The following CAMK2D variants were observed in gnomAD, a reference collection of about 807,000 sequenced individuals.
CAMK2D encodes calcium/calmodulin-dependent protein kinase type II subunit delta.
CAMK2D carries 37 observed loss-of-function variants against 84.0 expected under a neutral mutation model. That is an observed-to-expected ratio of 0.44 (90% CI 0.34 to 0.58). The LOEUF (loss-of-function observed/expected upper bound fraction) is 0.58. Among genes scored for constraint, CAMK2D ranks in the 20% least tolerant of loss-of-function variants. CAMK2D has a pLI of 0.02. For missense variants in CAMK2D, 448 were observed against 652.5 expected (o/e 0.69, Z 3.41); for synonymous variants, 202 against 212.5 (o/e 0.95, Z 0.43).
chr4:113,665,090 C>T (rs1281918061), intron 2 of CAMK2D, among the ~76,000 whole-genome samples: 1 of 152,200 alleles, frequency 6.6e-6, no homozygotes, highest in East Asian at 1.9e-4. Context: ...GGGCATGAGC[C>T]ACCGTGCCCA....
chr4:113,506,320 G>A (rs576055088), intron 13 of CAMK2D, among the ~76,000 whole-genome samples: 2 of 151,960 alleles, frequency 1.3e-5, no homozygotes, highest in Non-Finnish European at 2.9e-5. Flanking sequence ...TACTGGTATC[G>A]TTATTTTTAC....
At chr4:113,506,579 G>A (rs984328002) in intron 13 of CAMK2D, among the ~76,000 whole-genome samples, 4 of 152,152 alleles carry the variant, frequency 2.6e-5, no homozygotes, top group African/African-American at 7.2e-5. Context: ...TACAGGGTAC[G>A]TGAGAAAAGG....
intron 2 of CAMK2D, among the ~76,000 whole-genome samples, chr4:113,667,545 A>G (rs1483872814): frequency 6.6e-6 from 1 of 152,180 alleles, no homozygotes; most frequent in Non-Finnish European, 1.5e-5. Flanking sequence ...TTGTTAGAGA[A>G]ATTATGTCTC....
At chr4:113,520,038 C>T (rs2098335986) in intron 8 of CAMK2D, among the ~76,000 whole-genome samples, 1 of 152,102 alleles carries the variant, frequency 6.6e-6, no homozygotes, top group African/African-American at 2.4e-5. Context: ...TCCATTTGGT[C>T]CTATCTTAAA....
At chr4:113,618,500 ATTCATTTATTGC>A (rs2099031067) in intron 3 of CAMK2D, among the ~76,000 whole-genome samples, 1 of 152,148 alleles carries the variant, frequency 6.6e-6, no homozygotes, top group Non-Finnish European at 1.5e-5. Flanking sequence ...TTTTTTGAAA[ATTCATTTATTGC>A]ATTTTTCCAA....
rs774684310 is a variant in CAMK2D, at chr4:113,531,303, G to A, written c.518-4C>T. 4.6e-6 allele frequency: 7 copies of A among 1,523,458 alleles called. No individual in the cohort carries two copies. Among genetic ancestry groups the A allele is most frequent in the Non-Finnish European group, 6.4e-6 (7 of 1,097,712 alleles). The allele number at this position is 1,523,458 out of a possible 1,614,324, so 94.4% of individuals were successfully genotyped here. A position where few individuals can be genotyped will look rare whatever the true frequency, so the allele number is the denominator to read the frequency against. On this transcript the variant is annotated splice_polypyrimidine_tract_variant and splice_region_variant and intron_variant, in intron 7 of 20. Transcript: ENST00000511664. ...TATCCAGGTGTGCCAGCAAAACCTA[G>A]GGAAAAGAGATGTTAATGAGTCACA...
intron 6 of CAMK2D, among the ~76,000 whole-genome samples, chr4:113,545,328 G>T (rs2098557846): frequency 6.6e-6 from 1 of 152,002 alleles, no homozygotes; most frequent in African/African-American, 2.4e-5. Context: ...CATTTCCTGT[G>T]TTTCTTTTTC....
intron 7 of CAMK2D, among the ~76,000 whole-genome samples, chr4:113,534,737 T>C (rs1422692270): frequency 1.3e-5 from 2 of 152,214 alleles, no homozygotes; most frequent in East Asian, 1.9e-4. Context: ...ACATCCTTTA[T>C]AGCTCAATCA....
At chr4:113,558,343 T>C (rs2098679668) in intron 4 of CAMK2D, among the ~76,000 whole-genome samples, 1 of 152,132 alleles carries the variant, frequency 6.6e-6, no homozygotes, top group Non-Finnish European at 1.5e-5. Context: ...TTGGCCCCAA[T>C]ATTTTTAGTA....
intron 6 of CAMK2D, among the ~76,000 whole-genome samples, chr4:113,544,804 C>T (rs2098555278): frequency 6.6e-6 from 1 of 152,142 alleles, no homozygotes; most frequent in Non-Finnish European, 1.5e-5. Context: ...CCACTGGACA[C>T]ACCTCAGACA....
In CAMK2D at chr4:113,755,062, T is replaced by C. The variant is rs2099625341; in HGVS notation, c.160+4258A>G. ...CAATTCAAGACAAGTAACCATGAAG[T>C]TGAGAAATTACAGTACTTTCTTGAC... is the stretch of plus-strand genomic sequence containing the variant. On this transcript the variant is annotated intron_variant, in intron 2 of 20. Coordinates refer to ENST00000511664, the MANE Select transcript of CAMK2D (RefSeq NM_001321571.2). 5.1e-6 allele frequency: 5 copies of C among 984,592 alleles called. No homozygotes were observed. The East Asian group carries it at 3.4e-4, about 67-fold the overall frequency. The allele number at this position is 984,592 out of a possible 1,614,324, so 61.0% of individuals were successfully genotyped here.
At chr4:113,740,810 C>CA (rs2099591265) in intron 2 of CAMK2D, among the ~76,000 whole-genome samples, 1 of 152,302 alleles carries the variant, frequency 6.6e-6, no homozygotes, top group Admixed American at 6.5e-5. Context: ...CTCCCCTAGA[C>CA]TGCAAGAGTC....
rs78071768 is a variant in CAMK2D at position 113,745,090 on chromosome 4, G to A, written c.160+14230C>T. Among the ~76,000 whole-genome samples, 153 of 152,196 alleles carry A rather than the reference G, an allele frequency of 1.0e-3. 1 individual carries two copies. The East Asian group carries it at 0.027, about 27-fold the overall frequency. On this transcript the variant is annotated intron_variant, in intron 2 of 20. Transcript: ENST00000511664. Reference sequence around the variant, plus strand: ...CTCTCATAATCCAGGCCAATCCATCGTATTCATTCACTGCTACCAAGTAAC... The same window carrying A: ...CTCTCATAATCCAGGCCAATCCATCATATTCATTCACTGCTACCAAGTAAC...
intron 17 of CAMK2D, among the ~76,000 whole-genome samples, chr4:113,461,580 G>A (rs1003217968): frequency 5.9e-5 from 9 of 152,170 alleles, no homozygotes; most frequent in Admixed American, 5.2e-4. Flanking sequence ...GAAATGCAGA[G>A]AAGAAAATAT....
At chr4:113,513,053 G>T in intron 12 of CAMK2D, 2 of 325,336 alleles carry the variant, frequency 6.1e-6, no homozygotes, top group Non-Finnish European at 8.8e-6. Flanking sequence ...GCACTTGACA[G>T]ATGAGGCTAG....
intron 8 of CAMK2D, among the ~76,000 whole-genome samples, chr4:113,520,457 C>T (rs2098341385): frequency 6.6e-6 from 1 of 151,956 alleles, no homozygotes; most frequent in Non-Finnish European, 1.5e-5. Context: ...GTTTGTTGTT[C>T]TAATTGAGTT....
intron 3 of CAMK2D, among the ~76,000 whole-genome samples, chr4:113,620,932 A>G (rs568446536): frequency 6.6e-6 from 1 of 152,070 alleles, no homozygotes; most frequent in East Asian, 1.9e-4. Flanking sequence ...GTGATTTTAC[A>G]TATTTTTTAT....
intron 4 of CAMK2D, among the ~76,000 whole-genome samples, chr4:113,603,383 C>A (rs1373034311): frequency 8.2e-6 from 1 of 122,140 alleles, no homozygotes; most frequent in African/African-American, 3.1e-5. Flanking sequence ...CCCCACCCCA[C>A]AACAGTCCCC....
chr4:113,587,061 G>T (rs1438316953), intron 4 of CAMK2D, among the ~76,000 whole-genome samples: 1 of 152,128 alleles, frequency 6.6e-6, no homozygotes, highest in Non-Finnish European at 1.5e-5. Flanking sequence ...TTTTACAGTT[G>T]TTCATAGCAC....
Sources: allele counts gnomAD v4.1 joint callset (sites outside exome capture counted in the v4.1 genomes callset), GRCh38; gene constraint gnomAD v4.1.1; transcripts MANE v1.5; gene names NCBI Gene and HGNC (gene_info 2026-07-23, HGNC 2026-07-21).